The following PPIL1 variants were observed in gnomAD, a reference collection of about 807,000 sequenced individuals.
PPIL1 encodes peptidyl-prolyl cis-trans isomerase-like 1.
Under a neutral mutation model 19.4 loss-of-function variants are expected in PPIL1, and 14 were observed. That is an observed-to-expected ratio of 0.72 (90% CI 0.48 to 1.13). The LOEUF is 1.13. Among genes scored for constraint, PPIL1 ranks in the 50% most tolerant of loss-of-function variants. The pLI is 0.00. For missense variants in PPIL1, 192 were observed against 218.0 expected, an observed-to-expected ratio of 0.88 and a Z score of 0.75; for synonymous variants, 72 against 73.6, an observed-to-expected ratio of 0.98 and a Z score of 0.11.
At chr6:36,869,469 A>G (rs897035877) in intron 2 of PPIL1, among the ~76,000 whole-genome samples, 14 of 152,196 alleles carry the variant, frequency 9.2e-5, no homozygotes, top group African/African-American at 3.1e-4. Flanking sequence ...TTTCAAGTAT[A>G]AAAGTAACAG....
At chr6:36,858,087 A>T (rs557251534) in intron 2 of PPIL1, among the ~76,000 whole-genome samples, 15 of 151,894 alleles carry the variant, frequency 9.9e-5, no homozygotes, top group Admixed American at 3.3e-4. Context: ...AAAAAAAATT[A>T]GCCAGGCATG....
intron 2 of PPIL1, among the ~76,000 whole-genome samples, chr6:36,861,068 T>C (rs182592376): frequency 1.3e-5 from 2 of 152,216 alleles, no homozygotes; most frequent in East Asian, 1.9e-4. Flanking sequence ...ACTATTCTTA[T>C]ACTGTCTCCG....
intron 2 of PPIL1, among the ~76,000 whole-genome samples, chr6:36,868,957 T>C (rs1192924313): frequency 6.6e-6 from 1 of 152,122 alleles, no homozygotes; most frequent in African/African-American, 2.4e-5. Context: ...ATGGTCTTTT[T>C]TTCTTCCTTT....
At chr6:36,863,887 C>T (rs1774341079) in intron 2 of PPIL1, among the ~76,000 whole-genome samples, 1 of 151,812 alleles carries the variant, frequency 6.6e-6, no homozygotes, top group Non-Finnish European at 1.5e-5. Flanking sequence ...TGGTGTTCCT[C>T]GCTGCTCACT....
chr6:36,856,068 A>G (rs1211664958), intron 3 of PPIL1, 35 bp from the exon 4 acceptor site: 1 of 1,588,462 alleles, frequency 6.3e-7, no homozygotes, highest in Admixed American at 1.8e-5. Flanking sequence ...AAGAGTATAA[A>G]TAACCCCACA....
chr6:36,865,456 G>C (rs542593247), intron 2 of PPIL1, among the ~76,000 whole-genome samples: 4 of 152,310 alleles, frequency 2.6e-5, no homozygotes, highest in East Asian at 1.9e-4. Flanking sequence ...TGGGTGTGGA[G>C]AGGTGGCTGG....
rs1384131475 is a variant in PPIL1, at chr6:36,870,468, G to GA, written c.211+1249dup. On this transcript the variant is annotated intron_variant, in intron 2 of 3. Coordinates refer to ENST00000373699, the MANE Select transcript of PPIL1 (RefSeq NM_016059.5). Reference sequence around the variant, plus strand: ...TTCATGGGTTCAACTAACCGCGACTGAAAACATCTTGGGGGGAAGCATCTG... The same window carrying GA: ...TTCATGGGTTCAACTAACCGCGACTGAAAAACATCTTGGGGGGAAGCATCTG... 1.1e-4 allele frequency among the ~76,000 whole-genome samples: 16 copies of GA among 152,288 alleles called. No homozygotes were observed. In the East Asian group the frequency reaches 2.3e-3, roughly 22 times the overall value.
At chr6:36,861,019 C>A (rs959590631) in intron 2 of PPIL1, among the ~76,000 whole-genome samples, 1 of 151,948 alleles carries the variant, frequency 6.6e-6, no homozygotes, top group African/African-American at 2.4e-5. Context: ...TACTGAGGAT[C>A]TTTCCAATGT....
chr6:36,862,684 G>C (rs888147971), intron 2 of PPIL1, among the ~76,000 whole-genome samples: 5 of 152,204 alleles, frequency 3.3e-5, no homozygotes, highest in African/African-American at 9.7e-5. Context: ...GGCAAGCCTA[G>C]ATCCCTGACA....
intron 1 of PPIL1, among the ~76,000 whole-genome samples, chr6:36,872,492 T>G (rs957810755): frequency 6.6e-6 from 1 of 152,146 alleles, no homozygotes; most frequent in Non-Finnish European, 1.5e-5. Context: ...ACCTACCCAA[T>G]AGGATGAGTG....
In PPIL1 at chr6:36,855,942, G is replaced by A. The variant is rs1774157676; in HGVS notation, c.372C>T (p.Gly124=). 1.2e-6 allele frequency: 2 copies of A among 1,614,072 alleles called. No individual in the cohort carries two copies. The highest frequency in any genetic ancestry group is 1.7e-6 in the Non-Finnish European group (2 of 1,180,042). ...ACACTCGGCCAAAAATGGTGTGTTT[G>A]CCGTCAAGCCACTGGGTGGGGGCGA... ...VTLAPTQWLD[G]KHTIFGRVCQ... The change falls in exon 4 of 4, where the codon GGC becomes GGT. Residue 124 remains glycine (G), a synonymous_variant. Transcript: ENST00000373699.
chr6:36,872,547 G>A (rs1774534904), intron 1 of PPIL1, among the ~76,000 whole-genome samples: 1 of 151,986 alleles, frequency 6.6e-6, no homozygotes, highest in Non-Finnish European at 1.5e-5. Context: ...AGAGGCAAGA[G>A]AAAGGACGAG....
At chr6:36,862,103 A>T (rs972208700) in intron 2 of PPIL1, among the ~76,000 whole-genome samples, 1 of 152,152 alleles carries the variant, frequency 6.6e-6, no homozygotes, top group Non-Finnish European at 1.5e-5. Context: ...TGTCAAAATG[A>T]TGTCTAAGGC....
chr6:36,865,302 G>C (rs1263339787), intron 2 of PPIL1, among the ~76,000 whole-genome samples: 1 of 152,230 alleles, frequency 6.6e-6, no homozygotes, highest in Non-Finnish European at 1.5e-5. Flanking sequence ...TGGTCCCTGA[G>C]TCATGCTCAA....
rs563688985 is a variant in PPIL1, at chr6:36,870,531, T to G, written c.211+1187A>C. On this transcript the variant is annotated intron_variant, in intron 2 of 3. Coordinates refer to ENST00000373699, the MANE Select transcript of PPIL1 (RefSeq NM_016059.5). ...ATAGAACTATTTTTCTTGTCATTAC[T>G]CCCCAAACAATACAGTACAACAACT... Among the ~76,000 whole-genome samples the G allele has an allele frequency of 9.2e-5, 14 of 152,320 alleles. No homozygotes were observed. In the South Asian group the frequency reaches 2.1e-3, roughly 23 times the overall value.
intron 2 of PPIL1, among the ~76,000 whole-genome samples, chr6:36,859,977 C>CG: frequency 6.6e-6 from 1 of 152,062 alleles, no homozygotes; most frequent in South Asian, 2.1e-4. Context: ...TACAGGCGCC[C>CG]GCCACCATGC....
Position 36,856,635 on chromosome 6 carries a change from G to C in PPIL1, c.231C>G (p.Ile77Met), listed in dbSNP as rs1321870920. 4.3e-6 allele frequency: 7 copies of C among 1,614,124 alleles called. 1 individual carries two copies. In the Admixed American group the frequency reaches 1.2e-4, roughly 27 times the overall value. ...PTGTGRGGAS[I>M]YGKQFEDELH... ...GTTCATCTTCAAACTGTTTGCCATA[G>C]ATAGATGCACCACCTCGACCTGCCC... The change falls in exon 3 of 4, where the codon ATC becomes ATG. Residue 77 changes from isoleucine to methionine, a missense_variant. Physicochemically the swap from Ile to Met is conservative, Grantham distance 10. Coordinates refer to ENST00000373699, the MANE Select transcript of PPIL1 (RefSeq NM_016059.5).
At chr6:36,861,099 TC>T (rs2150655990) in intron 2 of PPIL1, among the ~76,000 whole-genome samples, 1 of 152,288 alleles carries the variant, frequency 6.6e-6, no homozygotes, top group Admixed American at 6.5e-5. Flanking sequence ...GCAAGAGCTC[TC>T]GGGGGCCAAT....
intron 1 of PPIL1, 69 bp from the exon 2 acceptor site, chr6:36,871,941 G>T: frequency 7.5e-7 from 1 of 1,331,400 alleles, no homozygotes; most frequent in Non-Finnish European, 1.0e-6. Flanking sequence ...TTATGGAACT[G>T]CTCCAGGACT....
Sources: gnomAD v4.1 joint callset for allele counts (sites outside exome capture counted in the v4.1 genomes callset) on GRCh38, gnomAD v4.1.1 for gene constraint, MANE v1.5 for transcripts, NCBI Gene and HGNC (gene_info 2026-07-23, HGNC 2026-07-21) for gene names.